Variants in ELP3 observed in about 807,000 individuals in gnomAD.
ELP3 encodes the protein elongator acetyltransferase complex subunit 3.
A neutral mutation model predicts 74.9 loss-of-function variants in ELP3; 56 were observed. The ratio of observed to expected loss-of-function variants is 0.75; its 90% CI spans 0.60 to 0.93. The LOEUF (loss-of-function observed/expected upper bound fraction) is 0.93, where lower values mean the gene tolerates loss of function less well. ELP3 is among the 40% of genes least tolerant of loss of function. The probability of loss-of-function intolerance (pLI) is 0.00; values close to 1 mark genes in which losing one functional copy is unlikely to be tolerated. For synonymous variants in ELP3, 222 were observed against 239.8 expected (o/e 0.93, Z 0.68); for missense variants, 573 against 686.5 (o/e 0.83, Z 1.85).
At chr8:28,125,057 T>C (rs1381800590) in intron 7 of ELP3, among the ~76,000 whole-genome samples, 1 of 152,194 alleles carries the variant, frequency 6.6e-6, no homozygotes, top group East Asian at 1.9e-4. Flanking sequence ...TGGGCAGAAC[T>C]TCAAATTTTA....
chr8:28,110,390 C>T lies in ELP3; in HGVS notation c.414C>T (p.Ile138=), dbSNP rs1403221516. ...TCTAGCCAACCTCCATGAGAGCTATCCGTGCCAGATATGACCCTTTCCTAC... is the reference window on the plus strand; with the variant it reads ...TCTAGCCAACCTCCATGAGAGCTATTCGTGCCAGATATGACCCTTTCCTAC... The part of the protein sequence containing the change: ...TGYEPTSMRA[I]RARYDPFLQT... Residue 138 remains isoleucine (I), a synonymous_variant, in exon 6 of 15, where the codon ATC becomes ATT. Coordinates refer to ENST00000256398, the MANE Select transcript of ELP3 (RefSeq NM_018091.6). 1.9e-6 allele frequency: 3 copies of T among 1,613,698 alleles called. No homozygotes were observed. The African/African-American group carries it at 4.0e-5, about 22-fold the overall frequency.
intron 3 of ELP3, 61 bp downstream of exon 3, chr8:28,100,027 G>C (rs781154069): frequency 1.7e-4 from 270 of 1,608,990 alleles, no homozygotes; most frequent in Non-Finnish European, 2.0e-4. Flanking sequence ...AGAAGTCCCT[G>C]CTCCATGTGA....
At chr8:28,160,169 C>G (rs1814011251) in intron 12 of ELP3, 60 bp from the exon 13 acceptor site, 1 of 1,474,942 alleles carries the variant, frequency 6.8e-7, no homozygotes, top group African/African-American at 1.4e-5. Context: ...CATACAATTA[C>G]AAAAATGAAT....
chr8:28,110,334 A>G (rs771702328), intron 5 of ELP3, 36 bp from the exon 6 acceptor site: 16 of 1,569,348 alleles, frequency 1.0e-5, no homozygotes, highest in South Asian at 4.6e-5. Flanking sequence ...TTTAGTTTTA[A>G]TTCAATGTGG....
rs1289559996 is a variant in ELP3 at position 28,190,870 on chromosome 8, A to T, written c.*1145A>T. Reference sequence around the variant, plus strand: ...CACCGCTCCCAGCCTTTGATTTTTTAAGGTGGATTTTGGTTGTTATAAATG... The same window carrying T: ...CACCGCTCCCAGCCTTTGATTTTTTTAGGTGGATTTTGGTTGTTATAAATG... On this transcript the variant is annotated 3_prime_UTR_variant, in exon 15 of 15. Transcript: ENST00000256398. The T allele has an allele frequency of 6.6e-6, 1 of 152,078 alleles. No homozygotes were observed. Among genetic ancestry groups the T allele is most frequent in the East Asian group, 1.9e-4 (1 of 5,178 alleles). The allele number at this position is 152,078 out of a possible 1,614,324, so 9.4% of individuals were successfully genotyped here. A position where few individuals can be genotyped will look rare whatever the true frequency, so the allele number is the denominator to read the frequency against.
At chr8:28,142,341 G>A (rs1369767210) in intron 10 of ELP3, among the ~76,000 whole-genome samples, 1 of 152,154 alleles carries the variant, frequency 6.6e-6, no homozygotes, top group African/African-American at 2.4e-5. Flanking sequence ...ATGGAGAATT[G>A]GCCCATAGGA....
At chr8:28,161,463 A>T (rs1814083694) in intron 13 of ELP3, among the ~76,000 whole-genome samples, 1 of 152,050 alleles carries the variant, frequency 6.6e-6, no homozygotes, top group Admixed American at 6.5e-5. Context: ...AGTCACAGCT[A>T]CTCAGGAGGC....
intron 14 of ELP3, among the ~76,000 whole-genome samples, chr8:28,182,542 CAA>C (rs1815057744): frequency 1.3e-5 from 2 of 152,250 alleles, no homozygotes; most frequent in East Asian, 1.9e-4. Context: ...GCCTGGGTGA[CAA>C]GAGAGAGACT....
chr8:28,162,188 A>G, intron 14 of ELP3, 110 bp downstream of exon 14: 1 of 1,127,234 alleles, frequency 8.9e-7, no homozygotes, highest in Non-Finnish European at 1.3e-6. Context: ...TACGTTCAAA[A>G]TTGAGCTGAG....
chr8:28,118,117 A>G (rs1021332229), intron 7 of ELP3, among the ~76,000 whole-genome samples: 4 of 152,216 alleles, frequency 2.6e-5, no homozygotes, highest in African/African-American at 7.2e-5. Context: ...TGCTGACTAC[A>G]TAGATGTAAA....
chr8:28,176,023 G>A (rs1393057600), intron 14 of ELP3, among the ~76,000 whole-genome samples: 2 of 151,818 alleles, frequency 1.3e-5, no homozygotes, highest in African/African-American at 2.4e-5. Context: ...CACCTTGTTG[G>A]CCAAGCTAGT....
At chr8:28,181,681 A>C (rs1220980680) in intron 14 of ELP3, among the ~76,000 whole-genome samples, 7 of 152,174 alleles carry the variant, frequency 4.6e-5, no homozygotes, top group Non-Finnish European at 5.9e-5. Context: ...GAGTCAGGGG[A>C]GTTGAGTGGG....
At chr8:28,105,782 C>T (rs1301720117) in intron 3 of ELP3, among the ~76,000 whole-genome samples, 1 of 152,180 alleles carries the variant, frequency 6.6e-6, no homozygotes, top group Non-Finnish European at 1.5e-5. Context: ...TAGTAAGAAG[C>T]CTGGCTTGCT....
At chr8:28,172,738 T>C (rs1304026806) in intron 14 of ELP3, among the ~76,000 whole-genome samples, 3 of 152,062 alleles carry the variant, frequency 2.0e-5, no homozygotes, top group Non-Finnish European at 4.4e-5. Flanking sequence ...GAGGTTTCTG[T>C]TTTTCACAAT....
At chr8:28,139,296 A>AG (rs1198932795) in intron 10 of ELP3, among the ~76,000 whole-genome samples, 5 of 126,468 alleles carry the variant, frequency 4.0e-5, no homozygotes, top group Middle Eastern at 4.8e-3. Context: ...ACTGGGTGCT[A>AG]GGTTTTTTTT....
chr8:28,177,329 G>C (rs3857877), intron 14 of ELP3, among the ~76,000 whole-genome samples: 151,735 of 152,364 alleles, frequency 1, 75,556 homozygotes, highest in Middle Eastern at 1. Context: ...TCCCAACTTT[G>C]ATATCAGTGT....
upstream of ELP3, among the ~76,000 whole-genome samples, chr8:28,090,811 G>A (rs1811032086): frequency 1.3e-5 from 2 of 152,016 alleles, no homozygotes; most frequent in Admixed American, 1.3e-4. Flanking sequence ...GGAATGTCTG[G>A]GTTAAGACAC....
At chr8:28,090,649 T>C (rs1361922581), upstream of ELP3, among the ~76,000 whole-genome samples, 1 of 152,108 alleles carries the variant, frequency 6.6e-6, no homozygotes, top group Non-Finnish European at 1.5e-5. Flanking sequence ...CCCTCACGCA[T>C]ATCCCACAGA....
rs1264016846 is a variant in ELP3, at chr8:28,113,074, C to T, written c.518C>T (p.Thr173Met). 6 of 1,613,414 alleles carry T rather than the reference C, an allele frequency of 3.7e-6. No individual in the cohort carries two copies. The highest frequency in any genetic ancestry group is 5.1e-6 in the Non-Finnish European group (6 of 1,179,672). ...DKVEFIVMGGTFMALPEEYRD... is the reference protein window; with the variant it reads ...DKVEFIVMGGMFMALPEEYRD... ...GTGGAGTTTATTGTGATGGGTGGAA[C>T]GTTTATGGCCCTTCCAGAAGAATAC... The change falls in exon 7 of 15, where the codon ACG (threonine) becomes ATG (methionine). Residue 173 changes from threonine (T) to methionine (M), a missense_variant. Thr to Met is a moderately conservative substitution (Grantham distance 81). Coordinates refer to ENST00000256398, the MANE Select transcript of ELP3 (RefSeq NM_018091.6).
Sources: allele counts gnomAD v4.1 joint callset (sites outside exome capture counted in the v4.1 genomes callset), GRCh38; gene constraint gnomAD v4.1.1; transcripts MANE v1.5; gene names NCBI Gene and HGNC (gene_info 2026-07-23, HGNC 2026-07-21).